SPRED2: variants seen among roughly 807,000 people sequenced by gnomAD.
SPRED2 encodes the protein sprouty-related, EVH1 domain-containing protein 2.
SPRED2 carries 47 observed loss-of-function variants against 43.0 expected under a neutral mutation model. The observed-to-expected ratio is 1.09, with a 90% confidence interval of 0.87 to 1.40. The LOEUF is 1.40. SPRED2 is among the 40% of genes most tolerant of loss of function. SPRED2 has a pLI of 0.00. For missense variants in SPRED2, 561 were observed against 586.4 expected (o/e 0.96, Z 0.45); for synonymous variants, 225 against 225.7 (o/e 1.00, Z 0.03).
At chr2:65,307,806 A>T (rs1672970813), downstream of SPRED2, among the ~76,000 whole-genome samples, 1 of 152,208 alleles carries the variant, frequency 6.6e-6, no homozygotes, top group African/African-American at 2.4e-5. Context: ...ATTGCCCTTC[A>T]TTCCATGCAC....
intron 1 of SPRED2, among the ~76,000 whole-genome samples, chr2:65,418,721 G>A (rs1676348499): frequency 6.6e-6 from 1 of 151,674 alleles, no homozygotes; most frequent in South Asian, 2.1e-4. Flanking sequence ...GCCCAGCTAA[G>A]TTTTTGTATT....
chr2:65,370,420 C>G (rs1675096364), intron 1 of SPRED2, among the ~76,000 whole-genome samples: 1 of 152,148 alleles, frequency 6.6e-6, no homozygotes, highest in Admixed American at 6.5e-5. Flanking sequence ...TATATGCTGT[C>G]TATGGCTGCT....
chr2:65,360,079 C>CAAAAAAAAAAAAAAAAAA (rs143422380), intron 1 of SPRED2, among the ~76,000 whole-genome samples: 1 of 93,704 alleles, frequency 1.1e-5, no homozygotes, highest in African/African-American at 5.2e-5. Flanking sequence ...AAAAAAAAAA[C>CAAAAAAAAAAAAAAAAAA]AAAAAAAAAC....
Position 65,316,814 on chromosome 2 carries a change from T to C in SPRED2, c.508A>G (p.Thr170Ala). The C allele has an allele frequency of 6.2e-7, 1 of 1,613,786 alleles. No homozygotes were observed. Among genetic ancestry groups the C allele is most frequent in the Non-Finnish European group, 8.5e-7 (1 of 1,179,930 alleles). ...EQPTRTISSP[T>A]SCEHRRIYTL... is the part of the protein sequence containing the mutation. The stretch of plus-strand genomic sequence containing the variant: ...TAAATCCTCCGGTGCTCACAGGATG[T>C]GGGAGAGGAGATTGTCCGAGTAGGT... The change falls in exon 5 of 6, where the codon ACA becomes GCA. Residue 170 changes from threonine to alanine, a missense_variant. This residue lies in a region of SPRED2 where 305 missense variants were observed against 282.4 expected (regional missense o/e 1.08). Coordinates refer to ENST00000356388, the MANE Select transcript of SPRED2 (RefSeq NM_181784.3).
chr2:65,420,477 C>G (rs547412365), intron 1 of SPRED2, among the ~76,000 whole-genome samples: 12 of 152,180 alleles, frequency 7.9e-5, no homozygotes, highest in Non-Finnish European at 1.3e-4. Flanking sequence ...AGTCTCTTCC[C>G]GATTTCTCAC....
At chr2:65,414,620 A>G (rs189954935) in intron 1 of SPRED2, among the ~76,000 whole-genome samples, 1 of 152,348 alleles carries the variant, frequency 6.6e-6, no homozygotes, top group Admixed American at 6.5e-5. Context: ...CAGGTCATTC[A>G]GACTTCTACA....
At position 65,334,641 on chromosome 2, in the gene SPRED2, T is replaced by G. The variant is rs1412967314; in HGVS notation, c.337A>C (p.Arg113=). 6.2e-7 allele frequency: 1 copy of G among 1,614,132 alleles called. No individual in the cohort carries two copies. The highest frequency in any genetic ancestry group is 1.7e-5 in the Admixed American group (1 of 60,012). Residue 113 remains arginine, a synonymous_variant, in exon 3 of 6, where the codon AGG becomes CGG. Coordinates refer to ENST00000356388, the MANE Select transcript of SPRED2 (RefSeq NM_181784.3). ...TCTTCGATTGCTTTCCTTACTCCCC[T>G]GTCAAAGGCTCGGGCATCAGCAGGG... ...QSPADARAFD[R]GVRKAIEDLI... is the part of the protein sequence containing the mutation.
At chr2:65,415,010 C>T (rs993918101) in intron 1 of SPRED2, among the ~76,000 whole-genome samples, 7 of 152,154 alleles carry the variant, frequency 4.6e-5, no homozygotes, top group African/African-American at 1.7e-4. Context: ...GTTGCCCAGG[C>T]TGGTCTTGAA....
intron 4 of SPRED2, 72 bp from the exon 5 acceptor site, chr2:65,316,955 T>C (rs1316700351): frequency 3.4e-6 from 5 of 1,489,824 alleles, no homozygotes; most frequent in Admixed American, 1.8e-5. Flanking sequence ...AACCCTGACA[T>C]GCACTATTCA....
At chr2:65,376,099 C>T (rs890157384) in intron 1 of SPRED2, among the ~76,000 whole-genome samples, 1 of 152,220 alleles carries the variant, frequency 6.6e-6, no homozygotes, top group South Asian at 2.1e-4. Flanking sequence ...TCCCACCACA[C>T]CTCCTCCGAA....
Position 65,313,593 on chromosome 2 carries a change from G to A in SPRED2, c.1165C>T (p.Pro389Ser), listed in dbSNP as rs1673135005. ...AGGGGCAGGTAACAGCACATACAGG[G>A]GGCCAGGAAAGACAAGGCAATAAGA... ...MALIALSFLA[P>S]CMCCYLPLRA... The change falls in exon 6 of 6, where the codon CCC becomes TCC. Residue 389 changes from proline to serine, a missense_variant. Coordinates refer to ENST00000356388, the MANE Select transcript of SPRED2 (RefSeq NM_181784.3). The A allele has an allele frequency of 1.2e-6, 2 of 1,614,066 alleles. No individual in the cohort carries two copies. The highest frequency in any genetic ancestry group is 1.1e-5 in the South Asian group (1 of 91,088).
At chr2:65,402,608 G>A (rs1410124741) in intron 1 of SPRED2, among the ~76,000 whole-genome samples, 2 of 152,214 alleles carry the variant, frequency 1.3e-5, no homozygotes, top group Non-Finnish European at 2.9e-5. Flanking sequence ...GAAGGGGGTA[G>A]GATTGAGCCC....
intron 1 of SPRED2, among the ~76,000 whole-genome samples, chr2:65,406,208 C>G (rs945116762): frequency 5.9e-5 from 9 of 152,202 alleles, no homozygotes; most frequent in Non-Finnish European, 1.2e-4. Context: ...CACAAAGACC[C>G]TGCTGGAGGC....
intron 4 of SPRED2, among the ~76,000 whole-genome samples, chr2:65,329,884 A>G (rs1018025127): frequency 1.3e-5 from 2 of 152,160 alleles, no homozygotes; most frequent in Non-Finnish European, 2.9e-5. Context: ...AAGGAAGGAC[A>G]ACTGAGTTCA....
At chr2:65,310,457 C>T (rs1020384291), downstream of SPRED2, among the ~76,000 whole-genome samples, 33 of 120,092 alleles carry the variant, frequency 2.7e-4, no homozygotes, top group African/African-American at 1.1e-3. Context: ...GTCCTCCAAA[C>T]TACACACACA....
At chr2:65,423,006 G>A (rs76304962) in intron 1 of SPRED2, among the ~76,000 whole-genome samples, 3,828 of 152,272 alleles carry the variant, frequency 0.025, 46 homozygotes, top group Non-Finnish European at 0.036. Context: ...TCACACTTAC[G>A]CTGCTTTAAA....
chr2:65,339,231 A>G (rs953705038), intron 2 of SPRED2, among the ~76,000 whole-genome samples: 1 of 147,160 alleles, frequency 6.8e-6, no homozygotes, highest in African/African-American at 2.5e-5. Context: ...GGTGTGCCCA[A>G]CAGCTCATTG....
At chr2:65,346,323 C>G (rs1291389469) in intron 1 of SPRED2, among the ~76,000 whole-genome samples, 1 of 151,460 alleles carries the variant, frequency 6.6e-6, no homozygotes, top group African/African-American at 2.4e-5. Context: ...CTGATCATTC[C>G]TTTCATTTTT....
intron 1 of SPRED2, among the ~76,000 whole-genome samples, chr2:65,390,322 G>A (rs745544790): frequency 4.6e-5 from 7 of 152,160 alleles, no homozygotes; most frequent in African/African-American, 1.4e-4. Flanking sequence ...GGAAATCCCC[G>A]CCCCGGCTCC....
Sources: gnomAD v4.1 joint callset for allele counts (sites outside exome capture counted in the v4.1 genomes callset) on GRCh38, gnomAD v4.1.1 for gene constraint, gnomAD v4.1.1 regional missense constraint, MANE v1.5 for transcripts, NCBI Gene and HGNC (gene_info 2026-07-23, HGNC 2026-07-21) for gene names.